KIZ: variants seen among roughly 807,000 people sequenced by gnomAD.
The protein encoded by KIZ is centrosomal protein kizuna.
KIZ carries 68 observed loss-of-function variants against 79.6 expected under a neutral mutation model. The observed-to-expected ratio is 0.85, with a 90% CI of 0.70 to 1.05. The LOEUF is 1.05. Among genes scored for constraint, KIZ ranks in the 50% least tolerant of loss-of-function variants. The probability of loss-of-function intolerance (pLI) is 0.00; values close to 1 mark genes in which losing one functional copy is unlikely to be tolerated. For synonymous variants in KIZ, 280 were observed against 281.8 expected (o/e 0.99, Z 0.06); for missense variants, 797 against 800.4 (o/e 1.00, Z 0.05).
chr20:21,216,097 T>G (rs1600569147), intron 9 of KIZ, among the ~76,000 whole-genome samples: 1 of 152,202 alleles, frequency 6.6e-6, no homozygotes, highest in East Asian at 1.9e-4. Context: ...ACAAAGCCTG[T>G]CTGATAATTT....
At chr20:21,139,100 T>C (rs542425837) in intron 3 of KIZ, 1 of 150,112 alleles carries the variant, frequency 6.7e-6, no homozygotes, top group South Asian at 2.1e-4. Context: ...TTTAATGTTA[T>C]GATGGACTTG....
At chr20:21,243,027 T>C (rs2037271894) in intron 11 of KIZ, among the ~76,000 whole-genome samples, 1 of 152,080 alleles carries the variant, frequency 6.6e-6, no homozygotes, top group Non-Finnish European at 1.5e-5. Flanking sequence ...ATAATAGACA[T>C]CCCTGCAGTT....
chr20:21,146,607 C>T (rs1381579581), intron 4 of KIZ, among the ~76,000 whole-genome samples: 6 of 152,198 alleles, frequency 3.9e-5, no homozygotes, highest in Admixed American at 2.0e-4. Flanking sequence ...TCTCCTTTTA[C>T]CTGCTTTATA....
At chr20:21,181,197 C>T (rs2034640229) in intron 6 of KIZ, among the ~76,000 whole-genome samples, 1 of 152,162 alleles carries the variant, frequency 6.6e-6, no homozygotes, top group Non-Finnish European at 1.5e-5. Flanking sequence ...CAAACAGCAC[C>T]ACTGTAGGCC....
chr20:21,179,886 A>G (rs989840448), intron 6 of KIZ, among the ~76,000 whole-genome samples: 12 of 152,126 alleles, frequency 7.9e-5, no homozygotes, highest in Admixed American at 6.5e-4. Flanking sequence ...TGCTTCTGCT[A>G]TTGATTTCTG....
rs144636013 is a variant in KIZ, at chr20:21,145,049, A to G, written c.316-516A>G. Among the ~76,000 whole-genome samples, 4 of 152,254 alleles carry G rather than the reference A, an allele frequency of 2.6e-5. No homozygotes were observed. In the East Asian group the frequency reaches 5.8e-4, roughly 22 times the overall value. ...TGATGTCTGCAGTATATTTTTATTC[A>G]TAGAAAATGGAATTTGTTTTAAGTT... On this transcript the variant is annotated intron_variant, in intron 3 of 12. Transcript: ENST00000619189.
intron 3 of KIZ, among the ~76,000 whole-genome samples, chr20:21,143,833 G>C (rs537734958): frequency 1.5e-4 from 23 of 152,140 alleles, no homozygotes; most frequent in South Asian, 1.0e-3. Context: ...CAGTGTTCCG[G>C]ACATGGATAA....
intron 6 of KIZ, among the ~76,000 whole-genome samples, chr20:21,166,027 C>T (rs1293249981): frequency 2.6e-5 from 4 of 152,054 alleles, no homozygotes; most frequent in South Asian, 2.1e-4. Flanking sequence ...AGTGCAATGG[C>T]GCAACCTCGG....
intron 6 of KIZ, among the ~76,000 whole-genome samples, chr20:21,201,900 T>A (rs949401396): frequency 2.6e-5 from 4 of 152,236 alleles, no homozygotes; most frequent in Non-Finnish European, 5.9e-5. Flanking sequence ...TTGCCTGATC[T>A]ATCCCAAAAG....
chr20:21,214,453 A>G (rs913774669), intron 7 of KIZ, 82 bp from the exon 8 acceptor site: 45 of 921,384 alleles, frequency 4.9e-5, no homozygotes, highest in Non-Finnish European at 6.5e-5. Flanking sequence ...TTAAAATTAT[A>G]TTTGAAGGCT....
At chr20:21,138,699 T>C (rs530909614) in intron 3 of KIZ, among the ~76,000 whole-genome samples, 1 of 152,090 alleles carries the variant, frequency 6.6e-6, no homozygotes, top group Admixed American at 6.6e-5. Context: ...CCCTTTTGCA[T>C]ATTAGTAACT....
intron 4 of KIZ, chr20:21,158,769 G>A (rs1363983336): frequency 6.6e-6 from 1 of 151,970 alleles, no homozygotes; most frequent in African/African-American, 2.4e-5. Context: ...TCCTCCCTCT[G>A]TGGGGAGAGA....
At chr20:21,142,687 G>A (rs181575904) in intron 3 of KIZ, among the ~76,000 whole-genome samples, 66 of 152,144 alleles carry the variant, frequency 4.3e-4, no homozygotes, top group Admixed American at 1.9e-3. Context: ...AGCTATTTGC[G>A]AGGCTGAGGT....
chr20:21,151,289 C>T (rs1160933174), intron 4 of KIZ: 3 of 152,118 alleles, frequency 2.0e-5, no homozygotes, highest in African/African-American at 7.2e-5. Context: ...ATTAGCTACT[C>T]TCTCATAGTC....
chr20:21,238,178 A>T (rs765917100), intron 11 of KIZ, among the ~76,000 whole-genome samples: 1 of 151,142 alleles, frequency 6.6e-6, no homozygotes, highest in East Asian at 1.9e-4. Context: ...TTCCTGAGTG[A>T]GTAAGCATGG....
intron 2 of KIZ, among the ~76,000 whole-genome samples, chr20:21,134,701 C>T (rs916431332): frequency 1.6e-4 from 22 of 138,176 alleles, no homozygotes; most frequent in African/African-American, 6.0e-4. Context: ...GGGTCTTGCT[C>T]TGTTGCCTAG....
At chr20:21,133,374 A>T (rs1034093188) in intron 2 of KIZ, among the ~76,000 whole-genome samples, 1 of 152,244 alleles carries the variant, frequency 6.6e-6, no homozygotes, top group South Asian at 2.1e-4. Context: ...TGTGGCCTCA[A>T]GAGTGGGCCC....
chr20:21,224,119 G>A (rs531139646), intron 9 of KIZ, among the ~76,000 whole-genome samples: 32 of 151,970 alleles, frequency 2.1e-4, no homozygotes, highest in Non-Finnish European at 4.0e-4. Flanking sequence ...TCAACCTCCC[G>A]TGTAGCTGGG....
chr20:21,208,189 A>T (rs2035916900), intron 7 of KIZ, among the ~76,000 whole-genome samples: 1 of 152,172 alleles, frequency 6.6e-6, no homozygotes, highest in South Asian at 2.1e-4. Flanking sequence ...ATATTTTTTT[A>T]AATGATATTG....
Sources: gnomAD v4.1 joint callset for allele counts (sites outside exome capture counted in the v4.1 genomes callset) on GRCh38, gnomAD v4.1.1 for gene constraint, MANE v1.5 for transcripts, NCBI Gene and HGNC (gene_info 2026-07-23, HGNC 2026-07-21) for gene names.